Variants in PIK3C2G observed in about 807,000 individuals in gnomAD.
The protein encoded by PIK3C2G is phosphatidylinositol 3-kinase C2 domain-containing subunit gamma.
A neutral mutation model predicts 181.1 loss-of-function variants in PIK3C2G; 168 were observed. The ratio of observed to expected loss-of-function variants is 0.93; its 90% confidence interval spans 0.82 to 1.05. The LOEUF (loss-of-function observed/expected upper bound fraction) is 1.05. Among genes scored for constraint, PIK3C2G ranks in the 50% least tolerant of loss-of-function variants. The pLI is 0.00. For synonymous variants in PIK3C2G, 573 were observed against 592.2 expected, an observed-to-expected ratio of 0.97 and a Z score of 0.47; for missense variants, 1,869 against 1,732.8, an observed-to-expected ratio of 1.08 and a Z score of -1.40.
chr12:18,288,416 G>A (rs1565558297), intron 3 of PIK3C2G, among the ~76,000 whole-genome samples: 1 of 151,998 alleles, frequency 6.6e-6, no homozygotes, highest in African/African-American at 2.4e-5. Context: ...AAAAAGCAAG[G>A]TCCCTGCCTC....
At position 18,306,063 on chromosome 12, in the gene PIK3C2G, A is replaced by G. The variant is rs537000732; in HGVS notation, c.1035-7899A>G. Among the ~76,000 whole-genome samples the G allele has an allele frequency of 6.9e-4, 105 of 151,922 alleles. No homozygotes were observed. The Middle Eastern group carries it at 0.014, about 20-fold the overall frequency. On this transcript the variant is annotated intron_variant, in intron 5 of 32. Coordinates refer to ENST00000538779, the MANE Select transcript of PIK3C2G (RefSeq NM_001288772.2). ...GAGTTGTTATAAAACTTTTTTCCAG[A>G]TTAAAAAAAAACCTCTTTGCAGAAT...
At chr12:18,689,076 G>A in the PIK3C2G span, among the ~76,000 whole-genome samples, 1 of 152,124 alleles carries the variant, frequency 6.6e-6, no homozygotes, top group Non-Finnish European at 1.5e-5. Flanking sequence ...CTAGAAGCCA[G>A]TATGACTATG....
chr12:18,687,338 T>G, the PIK3C2G span, among the ~76,000 whole-genome samples: 1 of 152,140 alleles, frequency 6.6e-6, no homozygotes, highest in African/African-American at 2.4e-5. Context: ...ATTTCTAGAC[T>G]CTGGAATGAA....
intron 8 of PIK3C2G, among the ~76,000 whole-genome samples, chr12:18,333,931 T>C (rs1035523257): frequency 6.6e-6 from 1 of 152,140 alleles, no homozygotes; most frequent in Non-Finnish European, 1.5e-5. Context: ...CCGTTTTGTT[T>C]GGTTTTCCAG....
chr12:18,597,948 G>C, intron 30 of PIK3C2G, among the ~76,000 whole-genome samples: 1 of 152,092 alleles, frequency 6.6e-6, no homozygotes, highest in Non-Finnish European at 1.5e-5. Flanking sequence ...CAAGGGATGT[G>C]AAGGACCTCT....
intron 1 of PIK3C2G, among the ~76,000 whole-genome samples, chr12:18,279,360 G>A (rs1213880992): frequency 6.6e-6 from 1 of 151,894 alleles, no homozygotes; most frequent in Non-Finnish European, 1.5e-5. Flanking sequence ...CAGAGTAGGT[G>A]CTCAAAAAAT....
chr12:18,332,538 T>C (rs1272078928), intron 8 of PIK3C2G, among the ~76,000 whole-genome samples: 1 of 152,092 alleles, frequency 6.6e-6, no homozygotes, highest in Admixed American at 6.6e-5. Context: ...TCCTTATCCC[T>C]GACCTCTAAT....
intron 24 of PIK3C2G, among the ~76,000 whole-genome samples, chr12:18,516,247 A>G (rs1250918329): frequency 7.3e-6 from 1 of 137,296 alleles, no homozygotes; most frequent in African/African-American, 2.7e-5. Context: ...TGAGTACTGT[A>G]TTATTGACTG....
the PIK3C2G span, among the ~76,000 whole-genome samples, chr12:18,718,959 A>G: frequency 1.1e-4 from 16 of 152,340 alleles, no homozygotes; most frequent in African/African-American, 3.8e-4. Flanking sequence ...ACTCTTTAAC[A>G]TACAAGTCTA....
Position 18,362,748 on chromosome 12 carries a change from T to C in PIK3C2G, c.1626-16T>C, listed in dbSNP as rs1399569553. ...TAAAGTGCTAAGCATATTGAATTGATGTTGTTTCATTTTAGCTACAAAGCG... is the reference window on the plus strand; with the variant it reads ...TAAAGTGCTAAGCATATTGAATTGACGTTGTTTCATTTTAGCTACAAAGCG... On this transcript the variant is annotated splice_polypyrimidine_tract_variant and intron_variant, in intron 11 of 32. Coordinates refer to ENST00000538779, the MANE Select transcript of PIK3C2G (RefSeq NM_001288772.2). The C allele has an allele frequency of 3.3e-6, 5 of 1,499,072 alleles. No individual in the cohort carries two copies. The highest frequency in any genetic ancestry group is 4.4e-6 in the Non-Finnish European group (5 of 1,133,794). The allele number at this position is 1,499,072 out of a possible 1,614,324, so 92.9% of individuals were successfully genotyped here.
intron 14 of PIK3C2G, among the ~76,000 whole-genome samples, chr12:18,389,723 T>A (rs1197347407): frequency 6.6e-6 from 1 of 152,158 alleles, no homozygotes; most frequent in Non-Finnish European, 1.5e-5. Flanking sequence ...AGTAGCTATT[T>A]AGCCTCATAA....
chr12:18,466,399 A>T (rs1937886987), intron 18 of PIK3C2G, among the ~76,000 whole-genome samples: 1 of 148,084 alleles, frequency 6.8e-6, no homozygotes, highest in African/African-American at 2.6e-5. Context: ...TCTATATTGA[A>T]ATACTCTAAT....
intron 2 of PIK3C2G, among the ~76,000 whole-genome samples, chr12:18,284,175 A>G (rs1284474761): frequency 6.6e-6 from 1 of 152,194 alleles, no homozygotes; most frequent in African/African-American, 2.4e-5. Context: ...AGAATTGGAT[A>G]GGATTGTGTT....
At chr12:18,570,921 T>C (rs1229546965) in intron 29 of PIK3C2G, among the ~76,000 whole-genome samples, 2 of 150,824 alleles carry the variant, frequency 1.3e-5, no homozygotes, top group African/African-American at 2.5e-5. Flanking sequence ...GTGCAACTTA[T>C]ATTCAAAATA....
intron 13 of PIK3C2G, among the ~76,000 whole-genome samples, chr12:18,375,178 G>C (rs1422457005): frequency 6.6e-6 from 1 of 152,130 alleles, no homozygotes; most frequent in Non-Finnish European, 1.5e-5. Context: ...AGAAAGTTTG[G>C]GATTTCTGAG....
rs757130540 is a variant in PIK3C2G at position 18,647,993 on chromosome 12, G to GA, written c.4431dup (p.Trp1478MetfsTer21). ...ACTCTGTAGTGTCCCACTCGATAAA[G>GA]AAAAATGGTATCCATTAGGAAACAG... is the stretch of plus-strand genomic sequence containing the variant. On this transcript the variant is annotated frameshift_variant, in exon 33 of 33. Transcript: ENST00000538779. LOFTEE classifies it high-confidence loss of function. The GA allele has an allele frequency of 1.3e-6, 2 of 1,595,988 alleles. No individual in the cohort carries two copies. Among genetic ancestry groups the GA allele is most frequent in the Non-Finnish European group, 1.7e-6 (2 of 1,169,920 alleles).
chr12:18,563,615 C>T, intron 28 of PIK3C2G, 117 bp downstream of exon 28: 1 of 861,598 alleles, frequency 1.2e-6, no homozygotes, highest in Non-Finnish European at 1.8e-6. Flanking sequence ...ACTCCAATGC[C>T]ATTGAATCTA....
At chr12:18,572,360 G>A (rs981242988) in intron 29 of PIK3C2G, among the ~76,000 whole-genome samples, 11 of 146,774 alleles carry the variant, frequency 7.5e-5, no homozygotes, top group African/African-American at 1.7e-4. Context: ...TATATAAAGC[G>A]ATATATATAA....
intron 24 of PIK3C2G, among the ~76,000 whole-genome samples, chr12:18,532,883 GTTT>G (rs139779917): frequency 8.0e-6 from 1 of 124,956 alleles, no homozygotes; most frequent in African/African-American, 3.0e-5. Flanking sequence ...AAAGTTTGCT[GTTT>G]TTTTTTTTTT....
Sources: allele counts gnomAD v4.1 joint callset (sites outside exome capture counted in the v4.1 genomes callset), GRCh38; gene constraint gnomAD v4.1.1; transcripts MANE v1.5; gene names NCBI Gene and HGNC (gene_info 2026-07-23, HGNC 2026-07-21).